POLRMT: variants seen among roughly 807,000 people sequenced by gnomAD.
The protein encoded by POLRMT is RNA polymerase mitochondrial, also known as DNA-directed RNA polymerase, mitochondrial.
In POLRMT, 114 loss-of-function variants were observed where a neutral mutation model predicts 132.2. The ratio of observed to expected loss-of-function variants is 0.86; its 90% CI spans 0.74 to 1.01. The LOEUF is 1.01. POLRMT is among the 50% of genes least tolerant of loss of function. The pLI is 0.00. For synonymous variants in POLRMT, 1,020 were observed against 773.4 expected (o/e 1.32, Z -5.29); for missense variants, 2,003 against 1,729.1 (o/e 1.16, Z -2.81).
rs374817245 is a variant in POLRMT at position 617,471 on chromosome 19, C to A, written c.3591G>T (p.Lys1197Asn). The A allele has an allele frequency of 2.3e-5, 36 of 1,596,230 alleles. No homozygotes were observed. The African/African-American group carries it at 3.9e-4, about 17-fold the overall frequency. Reference protein sequence around the residue: ...LVKRFCSEPQKILEASQLKET... With the variant: ...LVKRFCSEPQNILEASQLKET... ...CCTTCAGCTGGCTGGCCTCCAAGAT[C>A]TTCTGGGGCCTGGGGTTGGAAGCAG... The change falls in exon 20 of 21, where the codon AAG (lysine) becomes AAT (asparagine). Residue 1197 changes from lysine (K) to asparagine (N), a missense_variant. By Grantham distance (94) the Lys-to-Asn change is moderately conservative. Coordinates refer to ENST00000588649, the MANE Select transcript of POLRMT (RefSeq NM_005035.4).
chr19:626,898 C>CACATATATATATAT (rs371959370), intron 3 of POLRMT, among the ~76,000 whole-genome samples: 2 of 146,702 alleles, frequency 1.4e-5, no homozygotes, highest in African/African-American at 5.1e-5. Context: ...CACACACACA[C>CACATATATATATAT]ATATATATAT....
Position 617,420 on chromosome 19 carries a change from T to A in POLRMT, c.3642A>T (p.Pro1214=). The A allele has an allele frequency of 6.2e-7, 1 of 1,611,304 alleles. No individual in the cohort carries two copies. Residue 1214 remains proline, a splice_region_variant and synonymous_variant, in exon 20 of 21, where the codon CCA becomes CCT. Coordinates refer to ENST00000588649, the MANE Select transcript of POLRMT (RefSeq NM_005035.4). ...LKETLQAVPK[P]GAFDLEQVKR... ...TTGCGAGGCTGCCCACCCGCCTACC[T>A]GGCTTGGGCACCGCCTGCAGTGTCT...
In POLRMT at chr19:619,581, C is replaced by A. The variant is rs369974162; in HGVS notation, c.3066+5G>T. 6.2e-7 allele frequency: 1 copy of A among 1,611,332 alleles called. No individual in the cohort carries two copies. Among genetic ancestry groups the A allele is most frequent in the Admixed American group, 1.7e-5 (1 of 59,962 alleles). ...CGTGTTCGCAGCGCGACATGCCTGG[C>A]GCACCTGGGGAAAGTCGCTCAGCTC... is the stretch of plus-strand genomic sequence containing the variant. On this transcript the variant is annotated splice_donor_5th_base_variant and intron_variant, in intron 13 of 20. Transcript: ENST00000588649.
Position 621,397 on chromosome 19 carries a change from C to G in POLRMT, c.2301G>C (p.Lys767Asn). ...ELRRELAHCQ[K>N]VAREMHSLRA... The stretch of plus-strand genomic sequence containing the variant: ...GCAGGCTGTGCATCTCCCGGGCCAC[C>G]TTCTGGCAGTGCGCCAGCTCACGGC... Residue 767 changes from lysine to asparagine, a missense_variant, in exon 10 of 21, where the codon AAG becomes AAC. Lys to Asn is a moderately conservative substitution (Grantham distance 94, BLOSUM62 0). Coordinates refer to ENST00000588649, the MANE Select transcript of POLRMT (RefSeq NM_005035.4). The G allele has an allele frequency of 6.5e-7, 1 of 1,527,722 alleles. No homozygotes were observed. Among genetic ancestry groups the G allele is most frequent in the Non-Finnish European group, 8.7e-7 (1 of 1,143,652 alleles). 94.6% of individuals were successfully genotyped at this position (1,527,722 alleles called of 1,614,324 possible).
intron 3 of POLRMT, among the ~76,000 whole-genome samples, chr19:627,914 G>A (rs1394065503): frequency 4.8e-5 from 6 of 124,848 alleles, no homozygotes; most frequent in African/African-American, 1.8e-4. Context: ...AACAGACAGA[G>A]AGTCTATCTC....
At chr19:618,401 C>T (rs1323863780) in intron 17 of POLRMT, 87 bp downstream of exon 17, 2 of 1,078,588 alleles carry the variant, frequency 1.9e-6, no homozygotes, top group Admixed American at 4.8e-5. Context: ...CTGCCCCCAG[C>T]TAGACCCAGC....
At chr19:631,510 G>T (rs138257579) in intron 2 of POLRMT, among the ~76,000 whole-genome samples, 8 of 151,828 alleles carry the variant, frequency 5.3e-5, no homozygotes, top group Admixed American at 1.3e-4. Flanking sequence ...GTGGTGGTGC[G>T]CGCCTGTAGT....
intron 3 of POLRMT, among the ~76,000 whole-genome samples, chr19:628,569 T>C (rs990494854): frequency 5.3e-5 from 8 of 152,204 alleles, no homozygotes; most frequent in Non-Finnish European, 1.2e-4. Flanking sequence ...TAGTATCCCA[T>C]GTTTACCCAA....
At position 633,470 on chromosome 19, in the gene POLRMT, G is replaced by A; in HGVS notation, c.43C>T (p.Arg15Ter). The A allele has an allele frequency of 1.3e-6, 2 of 1,561,316 alleles. No homozygotes were observed. Among genetic ancestry groups the A allele is most frequent in the Non-Finnish European group, 8.7e-7 (1 of 1,154,984 alleles). Residue 15 changes from arginine (R) to a stop codon, truncating the protein, a stop_gained, in exon 1 of 21, where the codon CGA (arginine) becomes TGA (stop). Transcript: ENST00000588649. LOFTEE classifies it high-confidence loss of function. The stretch of plus-strand genomic sequence containing the variant: ...GGGCGGCCGCAAGGCCGTAGGGCTC[G>A]TTTGAGCCCCGCCGCTCCGCGGCCC... ...CWGRGAAGLK[R>*]ALRPCGRPGL...
intron 14 of POLRMT, 44 bp from the exon 15 acceptor site, chr19:619,154 G>A: frequency 2.5e-6 from 4 of 1,609,130 alleles, no homozygotes; most frequent in African/African-American, 2.7e-5. Context: ...TCAGGCCGGG[G>A]ATCCCGTCCA....
At chr19:624,677 A>G (rs1984887959) in intron 5 of POLRMT, 42 bp downstream of exon 5, 1 of 1,581,188 alleles carries the variant, frequency 6.3e-7, no homozygotes, top group Non-Finnish European at 8.6e-7. Context: ...CCCAAAGGGC[A>G]GCTATAAGGA....
Position 620,484 on chromosome 19 carries a change from G to A in POLRMT, c.2644C>T (p.Arg882Ter). The A allele has an allele frequency of 6.3e-7, 1 of 1,585,192 alleles. No homozygotes were observed. Among genetic ancestry groups the A allele is most frequent in the Non-Finnish European group, 8.6e-7 (1 of 1,164,544 alleles). ...TCCTCCGCGCCCATCCACCACTTTC[G>A]GCCCTGCGGGGACAGCGGATGGGGG... ...LDSADQPLTG[R>*]KWWMGAEEPW... Residue 882 changes from arginine to a stop codon, truncating the protein, a stop_gained, in exon 11 of 21, where the codon CGA (arginine) becomes TGA (stop). Coordinates refer to ENST00000588649, the MANE Select transcript of POLRMT (RefSeq NM_005035.4). LOFTEE classifies it high-confidence loss of function.
intron 12 of POLRMT, 35 bp downstream of exon 12, chr19:619,923 G>T (rs1330900430): frequency 5.6e-6 from 9 of 1,598,838 alleles, no homozygotes; most frequent in Non-Finnish European, 2.5e-6. Flanking sequence ...TTGCCCCCAC[G>T]CCGAGATGCC....
intron 3 of POLRMT, among the ~76,000 whole-genome samples, chr19:626,886 T>C (rs1051317364): frequency 3.5e-4 from 51 of 143,706 alleles, no homozygotes; most frequent in East Asian, 7.9e-4. Flanking sequence ...TCTTAAAATA[T>C]ACACACACAC....
At position 622,874 on chromosome 19, in the gene POLRMT, A is replaced by G. The variant is rs1342046432; in HGVS notation, c.1402T>C (p.Tyr468His). 4 of 1,609,682 alleles carry G rather than the reference A, an allele frequency of 2.5e-6. No individual in the cohort carries two copies. The highest frequency in any genetic ancestry group is 2.2e-5 in the East Asian group (1 of 44,738). ...REVYEGRFSL[Y>H]PFLCLLDERE... ...TCGTCCAGCAGGCACAGGAAGGGGT[A>G]AAGTGAGAACCGGCCCTCGTACACC... Residue 468 changes from tyrosine (Y) to histidine (H), a missense_variant, in exon 7 of 21, where the codon TAC becomes CAC. Coordinates refer to ENST00000588649, the MANE Select transcript of POLRMT (RefSeq NM_005035.4).
At chr19:617,534 G>A (rs1378228922) in intron 19 of POLRMT, 36 bp downstream of exon 19, 3 of 1,609,016 alleles carry the variant, frequency 1.9e-6, no homozygotes, top group Admixed American at 1.7e-5. Context: ...GGGGTGGGGG[G>A]GGAATCCAGG....
chr19:620,092 G>A lies in POLRMT; in HGVS notation c.2764-12C>T, dbSNP rs1310490541. 1.3e-6 allele frequency: 2 copies of A among 1,537,122 alleles called. No individual in the cohort carries two copies. Among genetic ancestry groups the A allele is most frequent in the Non-Finnish European group, 1.7e-6 (2 of 1,146,202 alleles). ...TTGCAAGAGCCGTCCTGAGGAAGGG[G>A]CGGCAAACGGGAGATGGAAGCTAGA... On this transcript the variant is annotated splice_polypyrimidine_tract_variant and intron_variant, in intron 11 of 20. Coordinates refer to ENST00000588649, the MANE Select transcript of POLRMT (RefSeq NM_005035.4).
Position 620,917 on chromosome 19 carries a change from AC to A in POLRMT, c.2640+140del. ...AGGGGAGGGGGAGGGGAGGAGGAAG[AC>A]GGGCAGGGGGCGCCAGGGGAGGGGG... On this transcript the variant is annotated intron_variant, in intron 10 of 20. Coordinates refer to ENST00000588649, the MANE Select transcript of POLRMT (RefSeq NM_005035.4). 29 of 90,160 alleles carry A rather than the reference AC, an allele frequency of 3.2e-4. 7 individuals carry two copies. Among genetic ancestry groups the A allele is most frequent in the South Asian group, 3.0e-3 (12 of 3,956 alleles). The allele number at this position is 90,160 out of a possible 1,614,324, so 5.6% of individuals were successfully genotyped here.
intron 1 of POLRMT, 131 bp from the exon 2 acceptor site, chr19:633,069 G>A (rs1427031762): frequency 7.0e-6 from 5 of 718,620 alleles, no homozygotes; most frequent in Non-Finnish European, 8.5e-6. Context: ...ACGGGCTTAA[G>A]TTGGAAAGAA....
Sources: gnomAD v4.1 joint callset for allele counts (sites outside exome capture counted in the v4.1 genomes callset) on GRCh38, gnomAD v4.1.1 for gene constraint, MANE v1.5 for transcripts, NCBI Gene and HGNC (gene_info 2026-07-23, HGNC 2026-07-21) for gene names.